Variants in ZNRF2 observed in about 807,000 individuals in gnomAD.
The protein encoded by ZNRF2 is E3 ubiquitin-protein ligase ZNRF2.
A neutral mutation model predicts 20.4 loss-of-function variants in ZNRF2; 16 were observed. That is an observed-to-expected ratio of 0.79 (90% CI 0.53 to 1.19). The LOEUF is 1.19. ZNRF2 is among the 50% of genes most tolerant of loss of function. ZNRF2 has a pLI of 0.00. For missense variants in ZNRF2, 363 were observed against 332.4 expected, an observed-to-expected ratio of 1.09 and a Z score of -0.72; for synonymous variants, 178 against 144.9, an observed-to-expected ratio of 1.23 and a Z score of -1.64.
chr7:30,365,484 A>G (rs1226943435), intron 4 of ZNRF2, among the ~76,000 whole-genome samples: 1 of 152,134 alleles, frequency 6.6e-6, no homozygotes, highest in African/African-American at 2.4e-5. Context: ...GGTCTTGAAG[A>G]GTCATTTTTA....
At chr7:30,331,205 G>T (rs1020171291) in intron 2 of ZNRF2, among the ~76,000 whole-genome samples, 5 of 152,092 alleles carry the variant, frequency 3.3e-5, no homozygotes, top group Non-Finnish European at 7.4e-5. Flanking sequence ...TCTATTAACG[G>T]TGAACTTGTG....
intron 1 of ZNRF2, among the ~76,000 whole-genome samples, chr7:30,292,257 T>G (rs775950397): frequency 1.3e-5 from 2 of 152,256 alleles, no homozygotes; most frequent in Non-Finnish European, 1.5e-5. Flanking sequence ...ATTTCCCATA[T>G]GATTTCTTCT....
chr7:30,307,500 A>T (rs1364522060), intron 1 of ZNRF2, among the ~76,000 whole-genome samples: 2 of 151,466 alleles, frequency 1.3e-5, no homozygotes, highest in Non-Finnish European at 2.9e-5. Context: ...TTAAAAGCAT[A>T]ATAACTAGTA....
At chr7:30,316,749 A>G (rs1426932662) in intron 1 of ZNRF2, among the ~76,000 whole-genome samples, 1 of 152,180 alleles carries the variant, frequency 6.6e-6, no homozygotes, top group Non-Finnish European at 1.5e-5. Flanking sequence ...CCTATTAGAA[A>G]ACCGTGATAA....
intron 1 of ZNRF2, among the ~76,000 whole-genome samples, chr7:30,312,224 T>C (rs967084669): frequency 6.6e-6 from 1 of 152,106 alleles, no homozygotes; most frequent in African/African-American, 2.4e-5. Context: ...CAAGCAGTCC[T>C]CCCTCCTTGG....
chr7:30,362,710 T>C (rs1583600484), intron 4 of ZNRF2, among the ~76,000 whole-genome samples: 1 of 151,924 alleles, frequency 6.6e-6, no homozygotes. Context: ...AGGCCAAAAG[T>C]TCAAGACCAG....
At chr7:30,356,965 A>G (rs1336799556) in intron 3 of ZNRF2, among the ~76,000 whole-genome samples, 2 of 152,156 alleles carry the variant, frequency 1.3e-5, no homozygotes, top group East Asian at 1.9e-4. Flanking sequence ...TTGGCCTCCC[A>G]AAGTGCTGGG....
chr7:30,293,281 C>T (rs1231001821), intron 1 of ZNRF2, among the ~76,000 whole-genome samples: 1 of 143,598 alleles, frequency 7.0e-6, no homozygotes, highest in African/African-American at 2.6e-5. Context: ...TGGAGTCTTG[C>T]TCTGTCACCC....
intron 1 of ZNRF2, among the ~76,000 whole-genome samples, chr7:30,317,501 A>C (rs1283665100): frequency 6.6e-6 from 1 of 152,232 alleles, no homozygotes. Flanking sequence ...ATATTGGCTT[A>C]ATCAAGAGCA....
At chr7:30,343,142 A>G (rs751380274) in intron 2 of ZNRF2, among the ~76,000 whole-genome samples, 2 of 152,064 alleles carry the variant, frequency 1.3e-5, no homozygotes, top group Non-Finnish European at 2.9e-5. Context: ...GTGAGACCGT[A>G]TCTCTATTTA....
chr7:30,293,010 A>G (rs752537416), intron 1 of ZNRF2, among the ~76,000 whole-genome samples: 8 of 152,210 alleles, frequency 5.3e-5, no homozygotes, highest in Non-Finnish European at 1.0e-4. Flanking sequence ...GCAAAAATCC[A>G]GATGAAAGAT....
chr7:30,302,878 G>A (rs1562606345), intron 1 of ZNRF2, among the ~76,000 whole-genome samples: 1 of 152,036 alleles, frequency 6.6e-6, no homozygotes. Context: ...AATGCACTCT[G>A]GACAGCATCA....
chr7:30,289,912 C>G (rs532777946), intron 1 of ZNRF2: 1 of 534,126 alleles, frequency 1.9e-6, no homozygotes, highest in Non-Finnish European at 3.8e-6. Flanking sequence ...AATTTGATCG[C>G]TTTGCCTGGT....
chr7:30,351,373 C>G (rs746169184), intron 2 of ZNRF2, among the ~76,000 whole-genome samples: 4 of 151,952 alleles, frequency 2.6e-5, no homozygotes, highest in Non-Finnish European at 4.4e-5. Flanking sequence ...GTGGACAGCA[C>G]AGATAAAAGA....
At chr7:30,358,618 A>G (rs1451173375) in intron 3 of ZNRF2, among the ~76,000 whole-genome samples, 1 of 152,248 alleles carries the variant, frequency 6.6e-6, no homozygotes, top group Non-Finnish European at 1.5e-5. Flanking sequence ...ACACTCATGA[A>G]GAAGAACACC....
chr7:30,295,654 G>T (rs567625905), intron 1 of ZNRF2, among the ~76,000 whole-genome samples: 13 of 152,298 alleles, frequency 8.5e-5, no homozygotes, highest in African/African-American at 2.4e-4. Context: ...AAGTTGCAGT[G>T]AGCCAGGATT....
At chr7:30,315,208 C>T (rs1271358391) in intron 1 of ZNRF2, among the ~76,000 whole-genome samples, 1 of 152,074 alleles carries the variant, frequency 6.6e-6, no homozygotes, top group African/African-American at 2.4e-5. Context: ...CTTATCTTAG[C>T]CATTCATTCC....
chr7:30,322,770 G>A (rs753222253), intron 1 of ZNRF2, among the ~76,000 whole-genome samples: 4 of 152,144 alleles, frequency 2.6e-5, no homozygotes, highest in Non-Finnish European at 5.9e-5. Flanking sequence ...TTTCCAAACA[G>A]CTTAGTGGTG....
At chr7:30,289,912 C>T (rs532777946) in intron 1 of ZNRF2, 1 of 534,244 alleles carries the variant, frequency 1.9e-6, no homozygotes, top group East Asian at 5.4e-5. Flanking sequence ...AATTTGATCG[C>T]TTTGCCTGGT....
Sources: allele counts gnomAD v4.1 joint callset (sites outside exome capture counted in the v4.1 genomes callset), GRCh38; gene constraint gnomAD v4.1.1; transcripts MANE v1.5; gene names NCBI Gene and HGNC (gene_info 2026-07-23, HGNC 2026-07-21).